NKIRAS1: variants seen among roughly 807,000 people sequenced by gnomAD.
NKIRAS1 encodes the protein NFKB inhibitor interacting Ras like 1.
In NKIRAS1, 16 loss-of-function variants were observed where a neutral mutation model predicts 19.8. That is an observed-to-expected ratio of 0.81 (90% CI 0.55 to 1.23). The LOEUF is 1.23. Among genes scored for constraint, NKIRAS1 ranks in the 50% most tolerant of loss-of-function variants. The pLI, the probability that NKIRAS1 is intolerant of heterozygous loss-of-function variation, is 0.00. For missense variants in NKIRAS1, 184 were observed against 220.0 expected (o/e 0.84, Z 1.04); for synonymous variants, 88 against 79.0 (o/e 1.11, Z -0.61).
intron 1 of NKIRAS1, among the ~76,000 whole-genome samples, chr3:23,937,285 C>T (rs530308136): frequency 2.6e-5 from 4 of 151,788 alleles, no homozygotes; most frequent in African/African-American, 4.8e-5. Context: ...GCACGAGAAT[C>T]GCCTGAACCT....
In NKIRAS1 at chr3:23,925,674, A is replaced by G. The variant is rs577347762; in HGVS notation, c.-139-14224T>C. 2.0e-5 allele frequency among the ~76,000 whole-genome samples: 3 copies of G among 149,964 alleles called. No individual in the cohort carries two copies. In the South Asian group the frequency reaches 6.3e-4, roughly 32 times the overall value. On this transcript the variant is annotated intron_variant, in intron 1 of 4. Coordinates refer to the NKIRAS1 transcript ENST00000421515. The stretch of plus-strand genomic sequence containing the variant: ...TAAATAAATAAATGTACTTTTACTC[A>G]GTTTTTGTTGTTTTACAATTCTCCT...
intron 1 of NKIRAS1, among the ~76,000 whole-genome samples, chr3:23,942,278 C>T (rs145530460): frequency 6.6e-6 from 1 of 152,258 alleles, no homozygotes; most frequent in East Asian, 1.9e-4. Context: ...CGCGCCTGGC[C>T]TAGAGCAGTA....
rs1056951279 is a variant in NKIRAS1 at position 23,891,259 on chromosome 3, C to T, written c.*1836G>A. 1 of 152,198 alleles carries T rather than the reference C, an allele frequency of 6.6e-6. No homozygotes were observed. The highest frequency in any genetic ancestry group is 1.5e-5 in the Non-Finnish European group (1 of 68,032). 9.4% of individuals were successfully genotyped at this position (152,198 alleles called of 1,614,324 possible). ...TGGATTGGTTCTATGTTGTGGACTA[C>T]TTAAGTCTGCATTTGTTACTGTGCT... On this transcript the variant is annotated 3_prime_UTR_variant, in exon 5 of 5. Coordinates refer to ENST00000425478, the MANE Select transcript of NKIRAS1 (RefSeq NM_020345.4).
Position 23,937,051 on chromosome 3 carries a change from T to C in NKIRAS1, c.-140+9272A>G, listed in dbSNP as rs149980041. The stretch of plus-strand genomic sequence containing the variant: ...GTTGATTGTTGAAAAGGGACCCACC[T>C]GGGTCTCTAAGTCTCCTCTAAGTAT... On this transcript the variant is annotated intron_variant, in intron 1 of 4. Transcript: ENST00000421515. Among the ~76,000 whole-genome samples the C allele has an allele frequency of 4.7e-3, 719 of 152,304 alleles. 2 individuals carry two copies. The highest frequency in any genetic ancestry group is 6.2e-3 in the Non-Finnish European group (422 of 68,024).
intron 1 of NKIRAS1, among the ~76,000 whole-genome samples, chr3:23,944,889 A>T (rs1236612561): frequency 6.6e-6 from 1 of 151,996 alleles, no homozygotes; most frequent in Non-Finnish European, 1.5e-5. Flanking sequence ...CAGCCGGCCC[A>T]GCCGGGGTCC....
chr3:23,901,199 A>G, intron 3 of NKIRAS1, 150 bp from the exon 4 acceptor site: 1 of 810,548 alleles, frequency 1.2e-6, no homozygotes, highest in Non-Finnish European at 1.9e-6. Context: ...TTTTTTTTGA[A>G]ACAGGGTCCT....
chr3:23,929,009 A>AG (rs1427462280), intron 1 of NKIRAS1, among the ~76,000 whole-genome samples: 2 of 145,724 alleles, frequency 1.4e-5, no homozygotes, highest in African/African-American at 5.2e-5. Context: ...TAAAAAAAAA[A>AG]AAAAGAAAAG....
chr3:23,936,082 C>CAAAAAAAAA (rs35945213), intron 1 of NKIRAS1, among the ~76,000 whole-genome samples: 5 of 63,904 alleles, frequency 7.8e-5, no homozygotes, highest in Non-Finnish European at 8.5e-5. Flanking sequence ...GACCCTGTCT[C>CAAAAAAAAA]AAAAAAAAAA....
chr3:23,920,578 AAAG>A (rs1284533494), upstream of NKIRAS1: 1 of 985,214 alleles, frequency 1.0e-6, no homozygotes, highest in Non-Finnish European at 1.2e-6. Flanking sequence ...ATTTGAGTGT[AAAG>A]AAAATGTAGA....
chr3:23,903,699 G>C (rs986040644), intron 3 of NKIRAS1, among the ~76,000 whole-genome samples: 10 of 152,108 alleles, frequency 6.6e-5, no homozygotes, highest in Non-Finnish European at 1.5e-4. Context: ...AAACAGGAAA[G>C]GGGCAATAAG....
intron 1 of NKIRAS1, 62 bp downstream of exon 1, chr3:23,916,722 G>GAGA (rs1553644332): frequency 1.3e-5 from 2 of 152,164 alleles, no homozygotes; most frequent in Admixed American, 6.6e-5. Flanking sequence ...GGACAGCGCA[G>GAGA]CGCGGAGACG....
intron 1 of NKIRAS1, among the ~76,000 whole-genome samples, chr3:23,913,786 C>T (rs540996776): frequency 1.3e-5 from 2 of 152,322 alleles, no homozygotes; most frequent in Admixed American, 1.3e-4. Flanking sequence ...CACTGAATCA[C>T]ATGAACCGAT....
chr3:23,917,732 A>C (rs116177228), upstream of NKIRAS1: 2,389 of 1,043,494 alleles, frequency 2.3e-3, 40 homozygotes, highest in African/African-American at 0.034. Flanking sequence ...CAGTTGGTGC[A>C]GAGCCATTTT....
chr3:23,901,460 G>C (rs562810195), intron 3 of NKIRAS1, among the ~76,000 whole-genome samples: 1 of 152,142 alleles, frequency 6.6e-6, no homozygotes, highest in East Asian at 1.9e-4. Flanking sequence ...CTGGGATTAC[G>C]GGTGTGAGGC....
chr3:23,920,510 T>C (rs1705018056), upstream of NKIRAS1: 4 of 985,198 alleles, frequency 4.1e-6, 1 homozygote, highest in South Asian at 9.4e-5. Flanking sequence ...TACCACCACA[T>C]TGCATTTCTG....
chr3:23,940,973 C>T (rs1039653449), intron 1 of NKIRAS1, among the ~76,000 whole-genome samples: 11 of 152,166 alleles, frequency 7.2e-5, no homozygotes, highest in Non-Finnish European at 1.3e-4. Flanking sequence ...TTAAATGTCT[C>T]TGTTTTCATT....
upstream of NKIRAS1, chr3:23,921,571 T>TTGTG: frequency 3.1e-5 from 4 of 129,746 alleles, no homozygotes; most frequent in African/African-American, 1.1e-4. Flanking sequence ...GATTATTGAG[T>TTGTG]TTTTTTTTTT....
intron 1 of NKIRAS1, chr3:23,946,020 TG>T: frequency 3.8e-6 from 3 of 793,168 alleles, no homozygotes; most frequent in African/African-American, 1.9e-5. Flanking sequence ...CAGGGACACG[TG>T]GGGGCGGGGG....
At chr3:23,911,831 C>T (rs1019711691) in intron 1 of NKIRAS1, among the ~76,000 whole-genome samples, 6 of 145,432 alleles carry the variant, frequency 4.1e-5, no homozygotes, top group Middle Eastern at 7.1e-3. Flanking sequence ...GATGAGATTT[C>T]GGTTCACTGC....
Sources: gnomAD v4.1 joint callset for allele counts (sites outside exome capture counted in the v4.1 genomes callset) on GRCh38, gnomAD v4.1.1 for gene constraint, MANE v1.5 for transcripts, NCBI Gene and HGNC (gene_info 2026-07-23, HGNC 2026-07-21) for gene names.